Variants in GRID2 observed in about 807,000 individuals in gnomAD.
The protein encoded by GRID2 is glutamate ionotropic receptor delta type subunit 2, also known as glutamate receptor ionotropic, delta-2.
GRID2 carries 33 observed loss-of-function variants against 114.8 expected under a neutral mutation model. That is an observed-to-expected ratio of 0.29 (90% CI 0.22 to 0.38). The LOEUF is 0.38. Ranked by LOEUF, GRID2 falls within the 10% of genes least tolerant of loss-of-function variation. The pLI, the probability that GRID2 is intolerant of heterozygous loss-of-function variation, is 1.00. For missense variants in GRID2, 1,184 were observed against 1,257.7 expected, an observed-to-expected ratio of 0.94 and a Z score of 0.89; for synonymous variants, 505 against 449.9, an observed-to-expected ratio of 1.12 and a Z score of -1.55.
chr4:93,703,486 A>G (rs1304580975), intron 14 of GRID2, among the ~76,000 whole-genome samples: 1 of 151,986 alleles, frequency 6.6e-6, no homozygotes, highest in Non-Finnish European at 1.5e-5. Context: ...AGCAAATACT[A>G]GATCGTATTT....
chr4:93,319,334 T>C (rs1756993256), intron 8 of GRID2, among the ~76,000 whole-genome samples: 1 of 152,122 alleles, frequency 6.6e-6, no homozygotes, highest in African/African-American at 2.4e-5. Context: ...TACGTTTTAT[T>C]TCATAAGAAA....
chr4:92,944,778 A>G (rs1361998926), intron 2 of GRID2, among the ~76,000 whole-genome samples: 1 of 152,162 alleles, frequency 6.6e-6, no homozygotes, highest in Non-Finnish European at 1.5e-5. Flanking sequence ...TTTGTAAAAC[A>G]CTTTTTTTTC....
At chr4:92,926,857 C>T (rs1749846454) in intron 2 of GRID2, among the ~76,000 whole-genome samples, 1 of 151,976 alleles carries the variant, frequency 6.6e-6, no homozygotes, top group Admixed American at 6.6e-5. Flanking sequence ...AACTCATTCC[C>T]ATGATAATGG....
chr4:92,399,968 A>C (rs1159362828), intron 1 of GRID2, among the ~76,000 whole-genome samples: 1 of 152,164 alleles, frequency 6.6e-6, no homozygotes, highest in Non-Finnish European at 1.5e-5. Context: ...AAAAGATTTT[A>C]AAGATAAGTC....
intron 8 of GRID2, among the ~76,000 whole-genome samples, chr4:93,240,232 T>A (rs536054095): frequency 6.6e-6 from 1 of 151,618 alleles, no homozygotes; most frequent in Non-Finnish European, 1.5e-5. Flanking sequence ...TCATAGTAAT[T>A]TACTAATTTA....
intron 14 of GRID2, among the ~76,000 whole-genome samples, chr4:93,680,876 G>A (rs1354438526): frequency 6.6e-6 from 1 of 151,840 alleles, no homozygotes; most frequent in South Asian, 2.1e-4. Flanking sequence ...GCACAAGACA[G>A]GGATGCCCTC....
intron 7 of GRID2, among the ~76,000 whole-genome samples, chr4:93,233,904 A>G (rs1188883523): frequency 1.3e-5 from 2 of 152,178 alleles, no homozygotes; most frequent in Non-Finnish European, 2.9e-5. Context: ...GATTAAAATA[A>G]TGATTCCTAG....
At chr4:93,187,463 A>T (rs991240451) in intron 4 of GRID2, among the ~76,000 whole-genome samples, 1 of 152,056 alleles carries the variant, frequency 6.6e-6, no homozygotes, top group Non-Finnish European at 1.5e-5. Context: ...TTTAGTAGAG[A>T]CAGGGTTTCA....
intron 11 of GRID2, among the ~76,000 whole-genome samples, chr4:93,485,618 C>G (rs1291262276): frequency 6.6e-6 from 1 of 151,718 alleles, no homozygotes; most frequent in Non-Finnish European, 1.5e-5. Flanking sequence ...CCTAGAACTA[C>G]TTAATGAAAA....
chr4:93,377,614 G>A (rs533223752), intron 8 of GRID2, among the ~76,000 whole-genome samples: 4 of 152,108 alleles, frequency 2.6e-5, no homozygotes, highest in South Asian at 4.1e-4. Context: ...ACACAATAGT[G>A]CTTGTCATTT....
intron 13 of GRID2, among the ~76,000 whole-genome samples, chr4:93,590,358 T>C (rs543021494): frequency 6.6e-5 from 10 of 150,548 alleles, no homozygotes; most frequent in Admixed American, 4.6e-4. Context: ...AAAGATCAGA[T>C]AGTTGTAGAT....
chr4:92,925,185 A>G (rs1303678933), intron 2 of GRID2, among the ~76,000 whole-genome samples: 1 of 152,058 alleles, frequency 6.6e-6, no homozygotes, highest in Non-Finnish European at 1.5e-5. Flanking sequence ...ACTTTGGATA[A>G]AATTCATTTT....
chr4:93,511,989 G>A (rs1443568901), intron 12 of GRID2, among the ~76,000 whole-genome samples: 1 of 151,720 alleles, frequency 6.6e-6, no homozygotes, highest in Non-Finnish European at 1.5e-5. Flanking sequence ...GTTTTGCCAT[G>A]TTGGCCAGGC....
intron 4 of GRID2, among the ~76,000 whole-genome samples, chr4:93,195,162 A>C (rs369918854): frequency 1.3e-5 from 2 of 152,112 alleles, no homozygotes; most frequent in Admixed American, 6.5e-5. Context: ...CAAATTGTGT[A>C]ATTTGTATAG....
At chr4:92,688,838 C>T (rs1734046466) in intron 2 of GRID2, among the ~76,000 whole-genome samples, 1 of 152,058 alleles carries the variant, frequency 6.6e-6, no homozygotes, top group Admixed American at 6.6e-5. Context: ...AGAAGGTTTC[C>T]AGTGTATTTT....
chr4:93,755,656 C>T (rs1352109704), intron 14 of GRID2, among the ~76,000 whole-genome samples: 1 of 151,986 alleles, frequency 6.6e-6, no homozygotes, highest in African/African-American at 2.4e-5. Flanking sequence ...TTATATTAAC[C>T]TAAAAATAAA....
chr4:92,466,210 A>G (rs1226589073), intron 1 of GRID2, among the ~76,000 whole-genome samples: 4 of 151,882 alleles, frequency 2.6e-5, no homozygotes, highest in Admixed American at 1.3e-4. Context: ...TCAAACATTT[A>G]TAATTTACTT....
intron 2 of GRID2, among the ~76,000 whole-genome samples, chr4:93,082,271 C>T (rs1346124714): frequency 6.6e-6 from 1 of 152,100 alleles, no homozygotes; most frequent in African/African-American, 2.4e-5. Context: ...TGAGCTTTCC[C>T]CTATTTAGAG....
At chr4:93,634,304 A>G (rs1201868329) in intron 14 of GRID2, among the ~76,000 whole-genome samples, 4 of 152,116 alleles carry the variant, frequency 2.6e-5, no homozygotes, top group Non-Finnish European at 5.9e-5. Context: ...GGAAAACATG[A>G]GAGATTCACA....
Sources: gnomAD v4.1 joint callset for allele counts (sites outside exome capture counted in the v4.1 genomes callset) on GRCh38, gnomAD v4.1.1 for gene constraint, MANE v1.5 for transcripts, NCBI Gene and HGNC (gene_info 2026-07-23, HGNC 2026-07-21) for gene names.